PCDHGA11: variants seen among roughly 807,000 people sequenced by gnomAD.
The protein encoded by PCDHGA11 is protocadherin gamma subfamily A, 11, also known as protocadherin gamma-A11.
PCDHGA11 carries 39 observed loss-of-function variants against 60.4 expected under a neutral mutation model. The ratio of observed to expected loss-of-function variants is 0.65; its 90% CI spans 0.50 to 0.84. The LOEUF (loss-of-function observed/expected upper bound fraction) is 0.84, where lower values mean the gene tolerates loss of function less well. Among genes scored for constraint, PCDHGA11 ranks in the 40% least tolerant of loss-of-function variants. PCDHGA11 has a pLI of 0.00. For synonymous variants in PCDHGA11, 533 were observed against 510.3 expected, an observed-to-expected ratio of 1.04 and a Z score of -0.60; for missense variants, 1,165 against 1,197.7, an observed-to-expected ratio of 0.97 and a Z score of 0.40.
At chr5:141,478,620 G>A (rs1400703951) in intron 1 of PCDHGA11, 2 of 1,555,472 alleles carry the variant, frequency 1.3e-6, no homozygotes, top group East Asian at 2.4e-5. Context: ...AAGGAATGGA[G>A]CTGTTTTTTT....
chr5:141,422,963 C>G lies in PCDHGA11; in HGVS notation c.1736C>G (p.Ala579Gly), dbSNP rs372620011. 1.1e-5 allele frequency: 17 copies of G among 1,614,238 alleles called. No individual in the cohort carries two copies. The highest frequency in any genetic ancestry group is 1.4e-5 in the Non-Finnish European group (16 of 1,180,042). ...PTDGSTGVEL[A>G]PRSAEPGYLV... ...GACGGCTCCACTGGCGTGGAGCTGG[C>G]GCCCCGCTCTGCGGAACCTGGCTAC... Residue 579 changes from alanine to glycine, a missense_variant, in exon 1 of 4, where the codon GCG becomes GGG. Ala to Gly is a moderately conservative substitution (Grantham distance 60). Transcript: ENST00000398587.
At position 141,422,747 on chromosome 5, in the gene PCDHGA11, C is replaced by T. The variant is rs1381295469; in HGVS notation, c.1520C>T (p.Ser507Phe). 2 of 1,611,224 alleles carry T rather than the reference C, an allele frequency of 1.2e-6. No individual in the cohort carries two copies. Among genetic ancestry groups the T allele is most frequent in the Non-Finnish European group, 1.7e-6 (2 of 1,178,358 alleles). Residue 507 changes from serine (S) to phenylalanine (F), a missense_variant, in exon 1 of 4, where the codon TCT becomes TTT. Ser to Phe is a radical substitution (Grantham distance 155, BLOSUM62 -2). Coordinates refer to ENST00000398587, the MANE Select transcript of PCDHGA11 (RefSeq NM_018914.3). ...GGGGTGCCTCTGTCCTCCTATGTCT[C>T]TATTAACTCCAACACTGGTGTTCTC... ...VQGVPLSSYV[S>F]INSNTGVLYA...
chr5:141,453,204 C>T (rs1345502837), intron 1 of PCDHGA11, among the ~76,000 whole-genome samples: 1 of 152,260 alleles, frequency 6.6e-6, no homozygotes, highest in East Asian at 1.9e-4. Flanking sequence ...GCCTCAACCT[C>T]GTGCACTTAA....
At chr5:141,481,465 T>C (rs561789315) in intron 1 of PCDHGA11, among the ~76,000 whole-genome samples, 2 of 152,334 alleles carry the variant, frequency 1.3e-5, no homozygotes, top group South Asian at 2.1e-4. Context: ...CTGAAAACCA[T>C]TGGATTATAC....
chr5:141,500,184 T>TTTTATTTATTTATTTATTTA (rs58019021), intron 2 of PCDHGA11, among the ~76,000 whole-genome samples: 1 of 135,886 alleles, frequency 7.4e-6, no homozygotes, highest in African/African-American at 2.7e-5. Flanking sequence ...TCATTTTTAT[T>TTTTATTTATTTATTTATTTA]TTTATTTATT....
At chr5:141,436,239 G>T (rs1426798903) in intron 1 of PCDHGA11, among the ~76,000 whole-genome samples, 2 of 152,012 alleles carry the variant, frequency 1.3e-5, no homozygotes, top group South Asian at 2.1e-4. Flanking sequence ...AAGCTAACAT[G>T]GTCTAATTAT....
chr5:141,490,978 C>T lies in PCDHGA11; in HGVS notation c.2434-3829C>T. 6.2e-7 allele frequency: 1 copy of T among 1,614,100 alleles called. No individual in the cohort carries two copies. Among genetic ancestry groups the T allele is most frequent in the Non-Finnish European group, 8.5e-7 (1 of 1,180,034 alleles). ...GGAACACTCAGCCCCCCAGCGTCTC[C>T]CTCGCTCTGCTCCTCCTGGCTCCTT... is the stretch of plus-strand genomic sequence containing the variant. On this transcript the variant is annotated intron_variant, in intron 1 of 3. Coordinates refer to ENST00000398587, the MANE Select transcript of PCDHGA11 (RefSeq NM_018914.3). The surrounding 1 kb of genome is among the most constrained non-coding windows in gnomAD (Gnocchi z 5.4).
rs2099735960 is a variant in PCDHGA11 at position 141,491,997 on chromosome 5, G to A, written c.2434-2810G>A. On this transcript the variant is annotated intron_variant, in intron 1 of 3. Transcript: ENST00000398587. The surrounding 1 kb of genome is among the most constrained non-coding windows in gnomAD (Gnocchi z 6.9). ...CCTTCGAGCTTCCGGTGAATTTCGG[G>A]CGATTTCCGCGGGTGTCGGGGGTCC... The A allele has an allele frequency of 1.5e-6, 1 of 671,074 alleles. No homozygotes were observed. The allele number at this position is 671,074 out of a possible 1,614,324, so 41.6% of individuals were successfully genotyped here.
chr5:141,490,874 A>C lies in PCDHGA11; in HGVS notation c.2434-3933A>C. 1 of 1,613,948 alleles carries C rather than the reference A, an allele frequency of 6.2e-7. No homozygotes were observed. The highest frequency in any genetic ancestry group is 1.3e-5 in the African/African-American group (1 of 75,054). The stretch of plus-strand genomic sequence containing the variant: ...CGAGACTCCGGCTCTCCCCCATTGC[A>C]TGCCAACACATCTCTGCATGTGTTT... On this transcript the variant is annotated intron_variant, in intron 1 of 3. Coordinates refer to ENST00000398587, the MANE Select transcript of PCDHGA11 (RefSeq NM_018914.3). The surrounding 1 kb of genome is among the most constrained non-coding windows in gnomAD (Gnocchi z 5.4).
chr5:141,508,334 C>T (rs1323577321), intron 3 of PCDHGA11: 2 of 151,150 alleles, frequency 1.3e-5, no homozygotes, highest in African/African-American at 4.9e-5. Flanking sequence ...GGAGAACTGA[C>T]TCTACAGAAA....
chr5:141,471,646 G>C (rs935284198), intron 1 of PCDHGA11: 1 of 152,108 alleles, frequency 6.6e-6, no homozygotes, highest in Non-Finnish European at 1.5e-5. Flanking sequence ...GTAATATACT[G>C]GATGTGGGGA....
At position 141,444,152 on chromosome 5, in the gene PCDHGA11, A is replaced by ATT. The variant is rs747671382; in HGVS notation, c.2433+20527_2433+20528dup. ...GATATGTGTCACTTGTGTGTACTGG[A>ATT]TTTTTTTTTTTTTTTTTTTTTTTTT... On this transcript the variant is annotated intron_variant, in intron 1 of 3. Coordinates refer to ENST00000398587, the MANE Select transcript of PCDHGA11 (RefSeq NM_018914.3). Among the ~76,000 whole-genome samples, 286 of 33,894 alleles carry ATT rather than the reference A, an allele frequency of 8.4e-3. 107 individuals carry two copies. The highest frequency in any genetic ancestry group is 0.011 in the African/African-American group (76 of 7,180). The allele number at this position is 33,894 out of a possible 152,430, so 22.2% of individuals were successfully genotyped here. A position where few individuals can be genotyped will look rare whatever the true frequency, so the allele number is the denominator to read the frequency against.
rs769515606 is a variant in PCDHGA11 at position 141,422,633 on chromosome 5, G to A, written c.1406G>A (p.Gly469Asp). The change falls in exon 1 of 4, where the codon GGT becomes GAT. Residue 469 changes from glycine to aspartate, a missense_variant. Physicochemically the swap from Gly to Asp is moderately conservative, Grantham distance 94 (BLOSUM62 -1). Coordinates refer to ENST00000398587, the MANE Select transcript of PCDHGA11 (RefSeq NM_018914.3). ...TACATTCCCGAAAACAACCCCAGGG[G>A]TGCCTCCATCTTCTCAGTGACCGCC... ...SAYIPENNPRGASIFSVTALD... is the reference protein window; with the variant it reads ...SAYIPENNPRDASIFSVTALD... 3 of 1,613,120 alleles carry A rather than the reference G, an allele frequency of 1.9e-6. No homozygotes were observed. Among genetic ancestry groups the A allele is most frequent in the Non-Finnish European group, 2.5e-6 (3 of 1,179,452 alleles).
At chr5:141,467,564 G>A (rs926613546) in intron 1 of PCDHGA11, among the ~76,000 whole-genome samples, 5 of 152,152 alleles carry the variant, frequency 3.3e-5, no homozygotes, top group Admixed American at 3.3e-4. Flanking sequence ...TTCCCAAATG[G>A]CTATCCAGTT....
chr5:141,469,552 C>G (rs956606902), intron 1 of PCDHGA11, among the ~76,000 whole-genome samples: 1 of 151,910 alleles, frequency 6.6e-6, no homozygotes, highest in African/African-American at 2.4e-5. Context: ...TCCAGCCTGG[C>G]GACAGAGTGA....
chr5:141,455,477 C>A (rs557286491), intron 1 of PCDHGA11, among the ~76,000 whole-genome samples: 15 of 152,252 alleles, frequency 9.9e-5, no homozygotes, highest in African/African-American at 2.9e-4. Flanking sequence ...TATGCAGAGG[C>A]TGGTGGAGGT....
chr5:141,487,857 T>A lies in PCDHGA11; in HGVS notation c.2434-6950T>A. Reference sequence around the variant, plus strand: ...TATCTGAGTAAGAAATGAAAGTAATTGGTGATCAAGAGCCAGGCTGTTGTG... The same window carrying A: ...TATCTGAGTAAGAAATGAAAGTAATAGGTGATCAAGAGCCAGGCTGTTGTG... On this transcript the variant is annotated intron_variant, in intron 1 of 3. Coordinates refer to ENST00000398587, the MANE Select transcript of PCDHGA11 (RefSeq NM_018914.3). The surrounding 1 kb of genome is among the most constrained non-coding windows in gnomAD (Gnocchi z 5.0). The A allele has an allele frequency of 1.0e-6, 1 of 964,674 alleles. No individual in the cohort carries two copies. Among genetic ancestry groups the A allele is most frequent in the Non-Finnish European group, 1.5e-6 (1 of 659,920 alleles). 59.8% of individuals were successfully genotyped at this position (964,674 alleles called of 1,614,324 possible). A position where few individuals can be genotyped will look rare whatever the true frequency, so the allele number is the denominator to read the frequency against.
chr5:141,477,229 C>T lies in PCDHGA11; in HGVS notation c.2434-17578C>T. ...AGGATGCCCCTCTGGGGACTGTCAT[C>T]GCTTTGCTCAGTGTGACTGACCTGG... On this transcript the variant is annotated intron_variant, in intron 1 of 3. Transcript: ENST00000398587. The surrounding 1 kb of genome is among the most constrained non-coding windows in gnomAD (Gnocchi z 4.9). 6.2e-7 allele frequency: 1 copy of T among 1,614,222 alleles called. No homozygotes were observed. Among genetic ancestry groups the T allele is most frequent in the Non-Finnish European group, 8.5e-7 (1 of 1,180,052 alleles).
At chr5:141,496,630 T>C (rs2099770022) in intron 2 of PCDHGA11, among the ~76,000 whole-genome samples, 1 of 152,202 alleles carries the variant, frequency 6.6e-6, no homozygotes, top group Non-Finnish European at 1.5e-5. Context: ...TCAAAAGGCT[T>C]GGGCTGCCCT....
Sources: allele counts gnomAD v4.1 joint callset (sites outside exome capture counted in the v4.1 genomes callset), GRCh38; gene constraint gnomAD v4.1.1; non-coding constraint Gnocchi (gnomAD v3.1); transcripts MANE v1.5; gene names NCBI Gene and HGNC (gene_info 2026-07-23, HGNC 2026-07-21).